HFE: variants seen among roughly 807,000 people sequenced by gnomAD.
HFE encodes the protein hereditary hemochromatosis protein.
In HFE, 36 loss-of-function variants were observed where a neutral mutation model predicts 40.9. The ratio of observed to expected loss-of-function variants is 0.88; its 90% confidence interval spans 0.67 to 1.16. The LOEUF is 1.16. HFE is among the 50% of genes most tolerant of loss of function. The pLI is 0.00. For synonymous variants in HFE, 157 were observed against 165.4 expected (o/e 0.95, Z 0.39); for missense variants, 376 against 432.0 (o/e 0.87, Z 1.15).
Position 26,090,977 on chromosome 6 carries a change from A to G in HFE, c.213A>G (p.Arg71=). 6.2e-7 allele frequency: 1 copy of G among 1,614,168 alleles called. No homozygotes were observed. The highest frequency in any genetic ancestry group is 8.5e-7 in the Non-Finnish European group (1 of 1,180,028). ...YDHESRRVEP[R]TPWVSSRISS... is the part of the protein sequence containing the mutation. ...ATGAGAGTCGCCGTGTGGAGCCCCG[A>G]ACTCCATGGGTTTCCAGTAGAATTT... is the stretch of plus-strand genomic sequence containing the variant. The change falls in exon 2 of 6, where the codon CGA becomes CGG. Residue 71 remains arginine, a synonymous_variant. Coordinates refer to ENST00000357618, the MANE Select transcript of HFE (RefSeq NM_000410.4).
At position 26,096,147 on chromosome 6, in the gene HFE, C is replaced by CT. The variant is rs373020944; in HGVS notation, c.*1935dup. The CT allele has an allele frequency of 0.25, 36,242 of 146,560 alleles. 4,538 individuals are homozygous for CT. The highest frequency in any genetic ancestry group is 0.3 in the Middle Eastern group (85 of 288). 9.1% of individuals were successfully genotyped at this position (146,560 alleles called of 1,614,324 possible). On this transcript the variant is annotated 3_prime_UTR_variant, in exon 6 of 6. Transcript: ENST00000357618. ...ATCAGTTCACCATGTTCAAAAGAGTCTTTTTTTTTTTTTTGAGACTCTATT... is the reference window on the plus strand; with the variant it reads ...ATCAGTTCACCATGTTCAAAAGAGTCTTTTTTTTTTTTTTTGAGACTCTATT...
chr6:26,091,283 T>C, intron 2 of HFE, 31 bp from the exon 3 acceptor site: 1 of 1,614,070 alleles, frequency 6.2e-7, no homozygotes, highest in East Asian at 2.2e-5. Flanking sequence ...ATTCCTTTGG[T>C]TGCAGTTAAC....
chr6:26,088,662 T>C (rs2794719), intron 1 of HFE, among the ~76,000 whole-genome samples: 2 of 151,998 alleles, frequency 1.3e-5, no homozygotes, highest in Non-Finnish European at 2.9e-5. Context: ...AATGGTACAC[T>C]GGGCTTTGGT....
rs2113769570 is a variant in HFE at position 26,094,638 on chromosome 6, A to G, written c.*412A>G. The G allele has an allele frequency of 6.7e-6, 4 of 598,896 alleles. No homozygotes were observed. In the East Asian group the frequency reaches 1.1e-4, roughly 17 times the overall value. 37.1% of individuals were successfully genotyped at this position (598,896 alleles called of 1,614,324 possible). ...TTTGAACCCTGGGACGTGGCTAGTC[A>G]TAACCTTACCAGATTTTTACACATG... is the stretch of plus-strand genomic sequence containing the variant. On this transcript the variant is annotated 3_prime_UTR_variant, in exon 6 of 6. Transcript: ENST00000357618.
Position 26,097,297 on chromosome 6 carries a change from A to T in HFE, c.*3071A>T, listed in dbSNP as rs1382556756. On this transcript the variant is annotated 3_prime_UTR_variant, in exon 6 of 6. Coordinates refer to ENST00000357618, the MANE Select transcript of HFE (RefSeq NM_000410.4). ...TGTGGCCTGTTAATTTTTTTAATAG[A>T]AATTTTAAGTCCTCATTTTCTTTCG... is the stretch of plus-strand genomic sequence containing the variant. 1 of 152,190 alleles carries T rather than the reference A, an allele frequency of 6.6e-6. No homozygotes were observed. Among genetic ancestry groups the T allele is most frequent in the Non-Finnish European group, 1.5e-5 (1 of 68,032 alleles). 9.4% of individuals were successfully genotyped at this position (152,190 alleles called of 1,614,324 possible).
intron 1 of HFE, among the ~76,000 whole-genome samples, chr6:26,090,316 G>A (rs1762588735): frequency 6.6e-6 from 1 of 151,920 alleles, no homozygotes; most frequent in African/African-American, 2.4e-5. Context: ...GGTGGCGCAC[G>A]CCTATAGTCC....
At chr6:26,087,586 T>A in intron 1 of HFE, 70 bp downstream of exon 1, 2 of 1,388,040 alleles carry the variant, frequency 1.4e-6, no homozygotes, top group Non-Finnish European at 1.0e-6. Flanking sequence ...GCTTTTTCTT[T>A]GCGCTTGGGA....
At chr6:26,090,233 A>T (rs1378903387) in intron 1 of HFE, among the ~76,000 whole-genome samples, 2 of 151,958 alleles carry the variant, frequency 1.3e-5, no homozygotes, top group African/African-American at 4.8e-5. Context: ...ATTTGAGGTC[A>T]GGAGTTTGAG....
intron 1 of HFE, among the ~76,000 whole-genome samples, chr6:26,089,108 T>TGG (rs60292295): frequency 4.8e-4 from 27 of 56,344 alleles, no homozygotes; most frequent in African/African-American, 1.5e-3. Context: ...TGTGTGTGTG[T>TGG]GGGGGGGGGG....
chr6:26,092,585 G>T lies in HFE; in HGVS notation c.617-100G>T. 3 of 1,609,532 alleles carry T rather than the reference G, an allele frequency of 1.9e-6. 1 individual carries two copies. Among genetic ancestry groups the T allele is most frequent in the Middle Eastern group, 3.3e-4 (2 of 6,060 alleles). On this transcript the variant is annotated intron_variant, in intron 3 of 5. Transcript: ENST00000357618. ...TGTAGCTTGTTTTTTTCTGAAAAGG[G>T]TATTTCCTTCCTCCAACCTATAGAA...
At chr6:26,093,287 G>A in intron 5 of HFE, 55 bp downstream of exon 5, 5 of 1,248,584 alleles carry the variant, frequency 4.0e-6, no homozygotes, top group African/African-American at 1.5e-5. Flanking sequence ...GGCACAGTGG[G>A]AAGAGGGGCA....
At position 26,096,952 on chromosome 6, in the gene HFE, C is replaced by G. The variant is rs1763064850; in HGVS notation, c.*2726C>G. 4.5e-6 allele frequency: 1 copy of G among 220,068 alleles called. No homozygotes were observed. The highest frequency in any genetic ancestry group is 1.4e-4 in the East Asian group (1 of 6,922). 13.6% of individuals were successfully genotyped at this position (220,068 alleles called of 1,614,324 possible). A position where few individuals can be genotyped will look rare whatever the true frequency, so the allele number is the denominator to read the frequency against. On this transcript the variant is annotated 3_prime_UTR_variant, in exon 6 of 6. Coordinates refer to ENST00000357618, the MANE Select transcript of HFE (RefSeq NM_000410.4). The stretch of plus-strand genomic sequence containing the variant: ...TTTTGTCTTACGGAATATTTTCATT[C>G]AACTGTGGTAGCCGAATTAATCGTG...
chr6:26,096,430 A>C lies in HFE; in HGVS notation c.*2204A>C. On this transcript the variant is annotated 3_prime_UTR_variant, in exon 6 of 6. Coordinates refer to ENST00000357618, the MANE Select transcript of HFE (RefSeq NM_000410.4). The stretch of plus-strand genomic sequence containing the variant: ...ATTACAGGTGTGAGCCACCCTGCCC[A>C]GCCGTCAAAAGAGTCTTAATATATA... The C allele has an allele frequency of 2.2e-6, 1 of 455,484 alleles. No individual in the cohort carries two copies. Among genetic ancestry groups the C allele is most frequent in the Non-Finnish European group, 4.4e-6 (1 of 226,754 alleles). The allele number at this position is 455,484 out of a possible 1,614,324, so 28.2% of individuals were successfully genotyped here.
intron 1 of HFE, among the ~76,000 whole-genome samples, chr6:26,089,106 T>TGG (rs576461485): frequency 2.6e-3 from 15 of 5,858 alleles, no homozygotes; most frequent in African/African-American, 7.0e-3. Flanking sequence ...TGTGTGTGTG[T>TGG]GTGGGGGGGG....
intron 1 of HFE, among the ~76,000 whole-genome samples, chr6:26,089,841 T>C (rs1231753362): frequency 6.6e-6 from 1 of 151,970 alleles, no homozygotes; most frequent in Non-Finnish European, 1.5e-5. Context: ...GTGGAGGGTA[T>C]TGCTTGAGCC....
chr6:26,087,900 C>T (rs529990153), intron 1 of HFE, among the ~76,000 whole-genome samples: 1 of 152,318 alleles, frequency 6.6e-6, no homozygotes, highest in South Asian at 2.1e-4. Context: ...GCAGTTTTTT[C>T]CCCAGTCATC....
At chr6:26,089,787 TGTG>T in intron 1 of HFE, among the ~76,000 whole-genome samples, 1 of 151,694 alleles carries the variant, frequency 6.6e-6, no homozygotes, top group South Asian at 2.1e-4. Flanking sequence ...ATTAGCTGGG[TGTG>T]GTGGCATGCA....
At chr6:26,088,919 C>T (rs1762472076) in intron 1 of HFE, among the ~76,000 whole-genome samples, 1 of 151,932 alleles carries the variant, frequency 6.6e-6, no homozygotes, top group Non-Finnish European at 1.5e-5. Flanking sequence ...TATACAACAT[C>T]AGGAAATCAT....
chr6:26,091,579 G>C lies in HFE; in HGVS notation c.606G>C (p.Leu202Phe). The stretch of plus-strand genomic sequence containing the variant: ...TGCTGGAGCTGGGGAGAGGTGTTTT[G>C]GACCAACAAGGTATGGTGGAAACAC... Reference protein sequence around the residue: ...QQLLELGRGVLDQQVPPLVKV... With the variant: ...QQLLELGRGVFDQQVPPLVKV... The change falls in exon 3 of 6, where the codon TTG becomes TTC. Residue 202 changes from leucine to phenylalanine, a missense_variant. Physicochemically the swap from Leu to Phe is conservative, Grantham distance 22. Coordinates refer to ENST00000357618, the MANE Select transcript of HFE (RefSeq NM_000410.4). The C allele has an allele frequency of 6.2e-7, 1 of 1,612,850 alleles. No homozygotes were observed.
Sources: gnomAD v4.1 joint callset for allele counts (sites outside exome capture counted in the v4.1 genomes callset) on GRCh38, gnomAD v4.1.1 for gene constraint, MANE v1.5 for transcripts, NCBI Gene and HGNC (gene_info 2026-07-23, HGNC 2026-07-21) for gene names.